The following KHDRBS2 variants were observed in gnomAD, a reference collection of about 807,000 sequenced individuals.
The protein encoded by KHDRBS2 is KH domain-containing, RNA-binding, signal transduction-associated protein 2.
In KHDRBS2, 26 loss-of-function variants were observed where a neutral mutation model predicts 44.3. The ratio of observed to expected loss-of-function variants is 0.59; its 90% CI spans 0.43 to 0.81. KHDRBS2 has a LOEUF of 0.81. KHDRBS2 is among the 40% of genes least tolerant of loss of function. The probability of loss-of-function intolerance (pLI) is 0.00; values close to 1 mark genes in which losing one functional copy is unlikely to be tolerated. For missense variants in KHDRBS2, 476 were observed against 433.1 expected (o/e 1.10, Z -0.88); for synonymous variants, 194 against 151.1 (o/e 1.28, Z -2.08).
At chr6:61,732,973 T>G (rs577432521) in intron 6 of KHDRBS2, among the ~76,000 whole-genome samples, 2 of 152,292 alleles carry the variant, frequency 1.3e-5, no homozygotes, top group African/African-American at 4.8e-5. Flanking sequence ...AAACTCAGCA[T>G]ATCATTGAAG....
At chr6:61,608,791 G>A in the KHDRBS2 span, among the ~76,000 whole-genome samples, 1 of 152,076 alleles carries the variant, frequency 6.6e-6, no homozygotes, top group Non-Finnish European at 1.5e-5. Flanking sequence ...TGGCTGCATG[G>A]TATTCCATGG....
rs376555466 is a variant in KHDRBS2, at chr6:62,285,976, G to C, written c.-28C>G. Reference sequence around the variant, plus strand: ...CGCGGACTTCGGATTGTCCCCGGGCGAAGCGCGAGGTTCCGCTCGCTCGGA... The same window carrying C: ...CGCGGACTTCGGATTGTCCCCGGGCCAAGCGCGAGGTTCCGCTCGCTCGGA... On this transcript the variant is annotated 5_prime_UTR_variant, in exon 1 of 9. Transcript: ENST00000281156. 238 of 1,437,780 alleles carry C rather than the reference G, an allele frequency of 1.7e-4. 1 individual carries two copies. Among genetic ancestry groups the C allele is most frequent in the Middle Eastern group, 8.7e-4 (5 of 5,738 alleles). 89.1% of individuals were successfully genotyped at this position (1,437,780 alleles called of 1,614,324 possible).
At chr6:61,974,249 T>C (rs1484553346) in intron 4 of KHDRBS2, among the ~76,000 whole-genome samples, 6 of 152,164 alleles carry the variant, frequency 3.9e-5, no homozygotes, top group Non-Finnish European at 8.8e-5. Context: ...TAGGTAGTAC[T>C]ATTCACAAAC....
At chr6:61,876,246 C>A (rs1228315275) in intron 6 of KHDRBS2, among the ~76,000 whole-genome samples, 2 of 151,962 alleles carry the variant, frequency 1.3e-5, no homozygotes, top group Non-Finnish European at 2.9e-5. Context: ...AGATCAATTT[C>A]CACAACATTT....
intron 2 of KHDRBS2, among the ~76,000 whole-genome samples, chr6:62,136,333 G>A (rs977482572): frequency 6.6e-6 from 1 of 152,174 alleles, no homozygotes; most frequent in Non-Finnish European, 1.5e-5. Context: ...CATAAGAAAA[G>A]TGGAACTAAG....
intron 4 of KHDRBS2, among the ~76,000 whole-genome samples, chr6:61,921,826 C>T (rs1808120058): frequency 6.6e-6 from 1 of 151,886 alleles, no homozygotes; most frequent in African/African-American, 2.4e-5. Flanking sequence ...AGATTAGATT[C>T]TCTAAAAAGG....
At chr6:61,665,032 A>C in the KHDRBS2 span, among the ~76,000 whole-genome samples, 2 of 151,614 alleles carry the variant, frequency 1.3e-5, no homozygotes, top group African/African-American at 2.4e-5. Flanking sequence ...GTTAGCTAAT[A>C]TAATTCATGC....
chr6:62,107,295 A>C (rs572576082), intron 2 of KHDRBS2, among the ~76,000 whole-genome samples: 24 of 152,318 alleles, frequency 1.6e-4, no homozygotes, highest in African/African-American at 5.8e-4. Flanking sequence ...CTTATACACC[A>C]ATAACAGACA....
chr6:62,146,384 C>T (rs1813935040), intron 2 of KHDRBS2, among the ~76,000 whole-genome samples: 1 of 151,634 alleles, frequency 6.6e-6, no homozygotes, highest in Non-Finnish European at 1.5e-5. Flanking sequence ...ATTTTAAAAT[C>T]CACTAGTTGT....
At chr6:61,925,261 C>A (rs968358000) in intron 4 of KHDRBS2, among the ~76,000 whole-genome samples, 1 of 151,994 alleles carries the variant, frequency 6.6e-6, no homozygotes, top group African/African-American at 2.4e-5. Context: ...ATTATATTAT[C>A]CAATTTACAT....
At chr6:61,661,843 A>T in the KHDRBS2 span, among the ~76,000 whole-genome samples, 1 of 152,030 alleles carries the variant, frequency 6.6e-6, no homozygotes, top group Admixed American at 6.6e-5. Context: ...TATAGATTCA[A>T]TGCCATCCCC....
chr6:61,772,264 A>G (rs1250504242), intron 6 of KHDRBS2, among the ~76,000 whole-genome samples: 1 of 152,220 alleles, frequency 6.6e-6, no homozygotes, highest in Non-Finnish European at 1.5e-5. Context: ...AAGGAACTAG[A>G]AAAGCAAGAG....
chr6:61,729,838 A>G (rs1487529188), intron 7 of KHDRBS2, among the ~76,000 whole-genome samples: 4 of 152,182 alleles, frequency 2.6e-5, no homozygotes, highest in Non-Finnish European at 5.9e-5. Flanking sequence ...TATTTTGGAT[A>G]CAATCAAAGA....
the KHDRBS2 span, among the ~76,000 whole-genome samples, chr6:61,560,711 C>G: frequency 1.3e-5 from 2 of 152,056 alleles, no homozygotes; most frequent in Non-Finnish European, 2.9e-5. Context: ...ATTCGGAATT[C>G]CTTCTCTATG....
chr6:62,063,240 A>T (rs1335805532), intron 2 of KHDRBS2, among the ~76,000 whole-genome samples: 2 of 143,540 alleles, frequency 1.4e-5, no homozygotes, highest in African/African-American at 5.1e-5. Context: ...AACTATTCCA[A>T]TCAATAGAAA....
intron 2 of KHDRBS2, among the ~76,000 whole-genome samples, chr6:62,151,276 G>A (rs1269745912): frequency 1.3e-5 from 2 of 152,160 alleles, no homozygotes; most frequent in Non-Finnish European, 2.9e-5. Flanking sequence ...GTTGCTGATA[G>A]TTGCTCTCCC....
intron 1 of KHDRBS2, among the ~76,000 whole-genome samples, chr6:62,203,934 C>A (rs1004348206): frequency 6.6e-6 from 1 of 152,094 alleles, no homozygotes; most frequent in Non-Finnish European, 1.5e-5. Context: ...CCTGTGGTAA[C>A]AAATAAGTTC....
chr6:61,955,118 A>G (rs1487274941), intron 4 of KHDRBS2, among the ~76,000 whole-genome samples: 2 of 141,120 alleles, frequency 1.4e-5, no homozygotes, highest in African/African-American at 5.1e-5. Flanking sequence ...ACATATGTGT[A>G]TATATGTATA....
chr6:61,800,621 T>G (rs2127589340), intron 6 of KHDRBS2, among the ~76,000 whole-genome samples: 1 of 152,260 alleles, frequency 6.6e-6, no homozygotes, highest in East Asian at 1.9e-4. Context: ...TTTTTTCAAC[T>G]TAACAGCTGA....
Sources: allele counts gnomAD v4.1 joint callset (sites outside exome capture counted in the v4.1 genomes callset), GRCh38; gene constraint gnomAD v4.1.1; transcripts MANE v1.5; gene names NCBI Gene and HGNC (gene_info 2026-07-23, HGNC 2026-07-21).